The following SPMIP2 variants were observed in gnomAD, a reference collection of about 807,000 sequenced individuals.
SPMIP2 encodes protein SPMIP2.
At chr4:159,007,769 TATC>T in the SPMIP2 span, 2 of 592,954 alleles carry the variant, frequency 3.4e-6, no homozygotes, top group African/African-American at 1.9e-5. Context: ...AGGTTTAACA[TATC>T]AGCAGCAGCA....
chr4:159,078,131 G>T, the SPMIP2 span, among the ~76,000 whole-genome samples: 1 of 152,060 alleles, frequency 6.6e-6, no homozygotes. Context: ...AAATTAAATG[G>T]AAAGTAAAGG....
At chr4:158,931,661 C>T in the SPMIP2 span, among the ~76,000 whole-genome samples, 2 of 152,146 alleles carry the variant, frequency 1.3e-5, no homozygotes, top group African/African-American at 4.8e-5. Flanking sequence ...CTCCCAGACT[C>T]AGGTGATTCT....
chr4:158,911,383 T>TAAATAAATA, the SPMIP2 span, among the ~76,000 whole-genome samples: 1 of 76,324 alleles, frequency 1.3e-5, no homozygotes, highest in African/African-American at 7.8e-5. Context: ...AATAAATAAA[T>TAAATAAATA]AAAATAAATA....
chr4:159,029,805 A>G, the SPMIP2 span, among the ~76,000 whole-genome samples: 2 of 152,242 alleles, frequency 1.3e-5, no homozygotes, highest in Admixed American at 6.5e-5. Context: ...CTTCTAGAAA[A>G]GAGAACATTT....
chr4:159,004,658 A>C, the SPMIP2 span, among the ~76,000 whole-genome samples: 4 of 152,066 alleles, frequency 2.6e-5, no homozygotes, highest in Non-Finnish European at 4.4e-5. Flanking sequence ...GGTAGACTTT[A>C]CCTGATTATA....
At chr4:158,973,721 G>C in the SPMIP2 span, among the ~76,000 whole-genome samples, 7 of 152,080 alleles carry the variant, frequency 4.6e-5, no homozygotes, top group African/African-American at 1.2e-4. Flanking sequence ...GGATGTGGTG[G>C]TTTATGCCTG....
chr4:158,943,908 T>C, the SPMIP2 span, among the ~76,000 whole-genome samples: 1 of 127,474 alleles, frequency 7.8e-6, no homozygotes, highest in East Asian at 2.8e-4. Context: ...CAGGCTGGAG[T>C]GCAGTGGTGT....
chr4:158,912,073 GA>G, the SPMIP2 span, among the ~76,000 whole-genome samples: 286 of 151,972 alleles, frequency 1.9e-3, 1 homozygote, highest in East Asian at 0.011. Flanking sequence ...TTGTATGAAG[GA>G]AAAAAACAAC....
the SPMIP2 span, among the ~76,000 whole-genome samples, chr4:158,903,296 GT>G: frequency 5.9e-5 from 9 of 152,230 alleles, no homozygotes; most frequent in South Asian, 1.9e-3. Context: ...CTTGCCCTCT[GT>G]GGGCTGCACC....
chr4:158,988,107 T>C, the SPMIP2 span, among the ~76,000 whole-genome samples: 102 of 152,198 alleles, frequency 6.7e-4, no homozygotes, highest in African/African-American at 2.4e-3. Flanking sequence ...GAGAATACTA[T>C]AAACAGCTGT....
the SPMIP2 span, among the ~76,000 whole-genome samples, chr4:158,948,119 C>T: frequency 6.6e-6 from 1 of 152,186 alleles, no homozygotes; most frequent in Non-Finnish European, 1.5e-5. Context: ...TTGCTTGTTC[C>T]TGTCTGAATT....
chr4:158,908,775 C>T, the SPMIP2 span, among the ~76,000 whole-genome samples: 1 of 152,204 alleles, frequency 6.6e-6, no homozygotes, highest in African/African-American at 2.4e-5. Context: ...CAACCTCCGC[C>T]TCCTGGGTTC....
At chr4:158,916,431 G>C in the SPMIP2 span, among the ~76,000 whole-genome samples, 2 of 152,102 alleles carry the variant, frequency 1.3e-5, no homozygotes, top group Non-Finnish European at 2.9e-5. Flanking sequence ...CAGAGGTCAG[G>C]CAGTTCCTTC....
chr4:158,971,117 T>C, the SPMIP2 span, among the ~76,000 whole-genome samples: 1 of 152,312 alleles, frequency 6.6e-6, no homozygotes, highest in African/African-American at 2.4e-5. Flanking sequence ...TTGATTGCAC[T>C]TCATTTGAGC....
chr4:158,939,421 T>C, the SPMIP2 span, among the ~76,000 whole-genome samples: 9 of 152,170 alleles, frequency 5.9e-5, no homozygotes, highest in Non-Finnish European at 1.3e-4. Context: ...CACCACCCCA[T>C]AATATCTTTT....
the SPMIP2 span, chr4:159,038,707 G>A: frequency 6.6e-6 from 1 of 152,396 alleles, no homozygotes; most frequent in African/African-American, 2.4e-5. Flanking sequence ...TTGAGGCAGC[G>A]ATGTTTGAAC....
the SPMIP2 span, among the ~76,000 whole-genome samples, chr4:159,016,997 G>A: frequency 6.6e-6 from 1 of 152,216 alleles, no homozygotes; most frequent in African/African-American, 2.4e-5. Context: ...GTATGGATTG[G>A]AGGGAGCAGG....
chr4:159,005,245 A>G, the SPMIP2 span, among the ~76,000 whole-genome samples: 4 of 148,664 alleles, frequency 2.7e-5, no homozygotes, highest in African/African-American at 1.0e-4. Flanking sequence ...AAAAAAATCA[A>G]CCAGCCTGGC....
At chr4:158,983,286 A>G in the SPMIP2 span, among the ~76,000 whole-genome samples, 2 of 151,968 alleles carry the variant, frequency 1.3e-5, no homozygotes, top group African/African-American at 2.4e-5. Flanking sequence ...GCAGGCCAAC[A>G]TTCAGATTCA....
Sources: allele counts gnomAD v4.1 joint callset (sites outside exome capture counted in the v4.1 genomes callset), GRCh38; gene constraint gnomAD v4.1.1; transcripts MANE v1.5; gene names NCBI Gene and HGNC (gene_info 2026-07-23, HGNC 2026-07-21).